AGBL4: variants seen among roughly 807,000 people sequenced by gnomAD.
The protein encoded by AGBL4 is cytosolic carboxypeptidase 6.
AGBL4 carries 58 observed loss-of-function variants against 66.4 expected under a neutral mutation model. The observed-to-expected ratio is 0.87, with a 90% CI of 0.71 to 1.09. AGBL4 has a LOEUF of 1.09. Among genes scored for constraint, AGBL4 ranks in the 50% least tolerant of loss-of-function variants. The pLI is 0.00. For missense variants in AGBL4, 579 were observed against 631.0 expected (o/e 0.92, Z 0.88); for synonymous variants, 234 against 222.9 (o/e 1.05, Z -0.44).
chr1:48,778,673 A>G (rs1247866066), intron 6 of AGBL4, among the ~76,000 whole-genome samples: 1 of 152,118 alleles, frequency 6.6e-6, no homozygotes, highest in African/African-American at 2.4e-5. Context: ...GTGTGTGTGT[A>G]TGTAACTATT....
chr1:48,892,274 AC>A (rs1651045160), intron 5 of AGBL4, among the ~76,000 whole-genome samples: 3 of 152,194 alleles, frequency 2.0e-5, no homozygotes, highest in Non-Finnish European at 4.4e-5. Flanking sequence ...TCTTTTAAAG[AC>A]ACAAGTCACT....
At chr1:49,686,208 A>G (rs950075617) in intron 3 of AGBL4, among the ~76,000 whole-genome samples, 1 of 152,170 alleles carries the variant, frequency 6.6e-6, no homozygotes, top group Non-Finnish European at 1.5e-5. Context: ...AGATGGTTAT[A>G]GATATGTGGC....
intron 3 of AGBL4, among the ~76,000 whole-genome samples, chr1:49,388,651 G>T (rs972835321): frequency 6.6e-6 from 1 of 152,144 alleles, no homozygotes; most frequent in Non-Finnish European, 1.5e-5. Context: ...GATAAGCAAA[G>T]GTCAAAGCAT....
At chr1:49,644,313 T>TA (rs1391046070) in intron 3 of AGBL4, among the ~76,000 whole-genome samples, 4 of 151,330 alleles carry the variant, frequency 2.6e-5, no homozygotes, top group African/African-American at 7.3e-5. Context: ...CAAATAATTA[T>TA]AAAAAAATGC....
chr1:48,550,070 G>A (rs529417426), intron 11 of AGBL4, among the ~76,000 whole-genome samples: 34 of 152,260 alleles, frequency 2.2e-4, no homozygotes, highest in Middle Eastern at 3.4e-3. Context: ...CTCACTTCAC[G>A]GAGGATGCTG....
chr1:48,834,264 A>C (rs1287705854), intron 6 of AGBL4, among the ~76,000 whole-genome samples: 1 of 152,162 alleles, frequency 6.6e-6, no homozygotes, highest in Admixed American at 6.6e-5. Context: ...GATTTAGATG[A>C]TATTTAAGTG....
At chr1:49,766,053 C>G (rs987325145) in intron 2 of AGBL4, among the ~76,000 whole-genome samples, 3 of 152,136 alleles carry the variant, frequency 2.0e-5, no homozygotes, top group Non-Finnish European at 4.4e-5. Flanking sequence ...AATCTTGCTA[C>G]AGAGGTAGCC....
chr1:49,738,606 C>A (rs774342791), intron 2 of AGBL4, among the ~76,000 whole-genome samples: 24 of 152,184 alleles, frequency 1.6e-4, no homozygotes, highest in Admixed American at 2.6e-4. Context: ...CAGACTGCCT[C>A]CTCAAGTGGG....
chr1:49,822,830 T>C (rs552887115), intron 2 of AGBL4, among the ~76,000 whole-genome samples: 4 of 152,202 alleles, frequency 2.6e-5, no homozygotes, highest in Non-Finnish European at 5.9e-5. Flanking sequence ...TGTTACTGAT[T>C]GCAAAATTCA....
chr1:48,872,020 A>G (rs1174542450), intron 5 of AGBL4, among the ~76,000 whole-genome samples: 2 of 152,156 alleles, frequency 1.3e-5, no homozygotes, highest in Non-Finnish European at 2.9e-5. Flanking sequence ...TAAAATTTTC[A>G]TAATTATGAA....
At chr1:49,672,109 G>C (rs921878359) in intron 3 of AGBL4, among the ~76,000 whole-genome samples, 4 of 152,010 alleles carry the variant, frequency 2.6e-5, no homozygotes, top group African/African-American at 9.7e-5. Flanking sequence ...TGACAGACTG[G>C]ATAATAAAAT....
chr1:48,731,015 A>T (rs1334511875), intron 6 of AGBL4, among the ~76,000 whole-genome samples: 1 of 152,188 alleles, frequency 6.6e-6, no homozygotes, highest in East Asian at 1.9e-4. Context: ...CGGGTAAGGA[A>T]CTATTTTAAA....
intron 3 of AGBL4, among the ~76,000 whole-genome samples, chr1:49,557,232 G>C (rs896091144): frequency 1.3e-5 from 2 of 152,126 alleles, no homozygotes; most frequent in Non-Finnish European, 1.5e-5. Flanking sequence ...TGCTGAGAGC[G>C]AGCGAGGGCT....
At chr1:49,668,405 G>A (rs1376968213) in intron 3 of AGBL4, among the ~76,000 whole-genome samples, 1 of 152,164 alleles carries the variant, frequency 6.6e-6, no homozygotes, top group Non-Finnish European at 1.5e-5. Flanking sequence ...AGCAGTGGAA[G>A]TAGAAATAAT....
At chr1:48,797,517 C>CGAG (rs1296104360) in intron 6 of AGBL4, among the ~76,000 whole-genome samples, 1 of 152,182 alleles carries the variant, frequency 6.6e-6, no homozygotes, top group Non-Finnish European at 1.5e-5. Flanking sequence ...TAATGGTCTC[C>CGAG]AGCTCCATCC....
chr1:49,089,797 A>C (rs1395681183), intron 4 of AGBL4, among the ~76,000 whole-genome samples: 1 of 152,066 alleles, frequency 6.6e-6, no homozygotes, highest in Non-Finnish European at 1.5e-5. Flanking sequence ...CACACACACA[A>C]AATAAAACTT....
intron 11 of AGBL4, among the ~76,000 whole-genome samples, chr1:48,583,364 G>A (rs986041057): frequency 1.3e-5 from 2 of 152,200 alleles, no homozygotes; most frequent in Admixed American, 1.3e-4. Flanking sequence ...GCAACTCGGT[G>A]AGGTTAAGTA....
intron 3 of AGBL4, among the ~76,000 whole-genome samples, chr1:49,496,627 T>C (rs541682138): frequency 6.6e-6 from 1 of 151,684 alleles, no homozygotes; most frequent in Non-Finnish European, 1.5e-5. Flanking sequence ...ATGCAGTATT[T>C]GTCTTTCTGT....
At chr1:49,325,304 A>T (rs1417581834) in intron 3 of AGBL4, among the ~76,000 whole-genome samples, 3 of 152,170 alleles carry the variant, frequency 2.0e-5, no homozygotes, top group African/African-American at 7.2e-5. Flanking sequence ...TTTAATGAAG[A>T]TAACTTACAA....
Sources: gnomAD v4.1 joint callset for allele counts (sites outside exome capture counted in the v4.1 genomes callset) on GRCh38, gnomAD v4.1.1 for gene constraint, MANE v1.5 for transcripts, NCBI Gene and HGNC (gene_info 2026-07-23, HGNC 2026-07-21) for gene names.